Variants in LGR5 observed in about 807,000 individuals in gnomAD.
LGR5 encodes the protein leucine rich repeat containing G protein-coupled receptor 5, also known as leucine-rich repeat-containing G protein-coupled receptor 5.
A neutral mutation model predicts 76.7 loss-of-function variants in LGR5; 54 were observed. The observed-to-expected ratio is 0.70, with a 90% confidence interval of 0.57 to 0.88. LGR5 has a LOEUF of 0.88. Ranked by LOEUF, LGR5 falls within the 40% of genes least tolerant of loss-of-function variation. The pLI, the probability that LGR5 is intolerant of heterozygous loss-of-function variation, is 0.00. For synonymous variants in LGR5, 406 were observed against 421.9 expected, an observed-to-expected ratio of 0.96 and a Z score of 0.46; for missense variants, 1,078 against 1,073.3, an observed-to-expected ratio of 1.00 and a Z score of -0.06.
At chr12:71,507,357 A>G (rs1043544504) in intron 2 of LGR5, among the ~76,000 whole-genome samples, 2 of 152,050 alleles carry the variant, frequency 1.3e-5, no homozygotes, top group Admixed American at 6.6e-5. Context: ...ATTTCACAGT[A>G]GTTTGCATAG....
intron 1 of LGR5, among the ~76,000 whole-genome samples, chr12:71,487,853 A>G (rs74101844): frequency 0.023 from 3,476 of 152,332 alleles, 136 homozygotes; most frequent in African/African-American, 0.079. Context: ...ATTGAACCCA[A>G]TTCTGTGAAG....
Position 71,556,706 on chromosome 12 carries a change from A to C in LGR5, c.716+16A>C, listed in dbSNP as rs775495069. 11 of 1,579,064 alleles carry C rather than the reference A, an allele frequency of 7.0e-6. No individual in the cohort carries two copies. The highest frequency in any genetic ancestry group is 8.7e-6 in the Non-Finnish European group (10 of 1,148,444). On this transcript the variant is annotated intron_variant, in intron 6 of 17. Coordinates refer to ENST00000266674, the MANE Select transcript of LGR5 (RefSeq NM_003667.4). Reference sequence around the variant, plus strand: ...TAGAGACTTTGTGAGTTGACCTTTTATTTGTTTCCCTTTTTTCAGTATTTT... The same window carrying C: ...TAGAGACTTTGTGAGTTGACCTTTTCTTTGTTTCCCTTTTTTCAGTATTTT...
chr12:71,504,558 G>A (rs1406936481), intron 1 of LGR5, 56 bp from the exon 2 acceptor site: 2 of 1,341,112 alleles, frequency 1.5e-6, no homozygotes, highest in African/African-American at 2.9e-5. Flanking sequence ...TGAACAGCTG[G>A]ATTTCCTTGT....
intron 4 of LGR5, among the ~76,000 whole-genome samples, chr12:71,551,489 CTTCTT>C (rs990645101): frequency 7.9e-5 from 12 of 152,102 alleles, no homozygotes; most frequent in African/African-American, 2.9e-4. Flanking sequence ...AAATACAACT[CTTCTT>C]TTTTTTAATC....
At chr12:71,543,536 A>G (rs1876991363) in intron 4 of LGR5, among the ~76,000 whole-genome samples, 1 of 152,180 alleles carries the variant, frequency 6.6e-6, no homozygotes. Context: ...AAATGAGGTA[A>G]AAGTTTGGCC....
intron 2 of LGR5, among the ~76,000 whole-genome samples, chr12:71,522,742 A>G (rs1875787525): frequency 6.6e-6 from 1 of 152,156 alleles, no homozygotes; most frequent in Non-Finnish European, 1.5e-5. Flanking sequence ...AAAAGATTAT[A>G]TCTGTCAAGA....
chr12:71,503,766 C>T (rs939714692), intron 1 of LGR5, among the ~76,000 whole-genome samples: 12 of 152,180 alleles, frequency 7.9e-5, no homozygotes, highest in African/African-American at 1.7e-4. Context: ...CAGCTGACTA[C>T]ATAAAATCTG....
At chr12:71,509,108 A>G (rs1008388962) in intron 2 of LGR5, among the ~76,000 whole-genome samples, 1 of 152,114 alleles carries the variant, frequency 6.6e-6, no homozygotes, top group Admixed American at 6.5e-5. Context: ...TGCTGTATAG[A>G]AAGAAAAGCT....
At position 71,584,613 on chromosome 12, in the gene LGR5, T is replaced by G. The variant is rs1879244436; in HGVS notation, c.2603T>G (p.Leu868Trp). ...CAGTCCTGTGACTCAACTCAAGCCT[T>G]GGTAACCTTTACCAGCTCCAGCATC... ...EKQSCDSTQA[L>W]VTFTSSSITY... The change falls in exon 18 of 18, where the codon TTG becomes TGG. Residue 868 changes from leucine (L) to tryptophan (W), a missense_variant. By Grantham distance (61) the Leu-to-Trp change is moderately conservative (BLOSUM62 -2). Coordinates refer to ENST00000266674, the MANE Select transcript of LGR5 (RefSeq NM_003667.4). 7 of 1,614,190 alleles carry G rather than the reference T, an allele frequency of 4.3e-6. 1 individual carries two copies. The East Asian group carries it at 1.6e-4, about 36-fold the overall frequency.
chr12:71,552,567 CAAA>C (rs5799046), intron 4 of LGR5, among the ~76,000 whole-genome samples: 1 of 124,010 alleles, frequency 8.1e-6, no homozygotes. Context: ...GACTTCGTCT[CAAA>C]AAAAAAAAAA....
intron 13 of LGR5, 76 bp downstream of exon 13, chr12:71,572,997 T>C (rs1319856822): frequency 9.2e-7 from 1 of 1,090,472 alleles, no homozygotes; most frequent in Non-Finnish European, 1.4e-6. Context: ...TAATGTTTTC[T>C]TTTCATTGTG....
Position 71,566,695 on chromosome 12 carries a change from G to A in LGR5, c.993G>A (p.Glu331=), listed in dbSNP as rs1878362062. 1 of 1,612,420 alleles carries A rather than the reference G, an allele frequency of 6.2e-7. No individual in the cohort carries two copies. The highest frequency in any genetic ancestry group is 8.5e-7 in the Non-Finnish European group (1 of 1,178,668). Residue 331 remains glutamate (E), a synonymous_variant, in exon 10 of 18, where the codon GAG becomes GAA. Transcript: ENST00000266674. ...ATTTAACTGGAACTGCAAACCTGGA[G>A]AGTCTGTAAGTACTGAGTAGACTCT... ...FPDLTGTANL[E]SLTLTGAQIS... is the part of the protein sequence containing the mutation.
intron 3 of LGR5, among the ~76,000 whole-genome samples, chr12:71,534,758 C>A (rs1302357669): frequency 6.6e-6 from 1 of 152,168 alleles, no homozygotes; most frequent in African/African-American, 2.4e-5. Context: ...GTAACTTTTC[C>A]CAAATATTCA....
chr12:71,464,690 C>G (rs7966654), intron 1 of LGR5, among the ~76,000 whole-genome samples: 14,875 of 152,174 alleles, frequency 0.098, 888 homozygotes, highest in African/African-American at 0.16. Context: ...CAACCGGCTA[C>G]AGGATACATC....
At chr12:71,552,292 C>T (rs948436316) in intron 4 of LGR5, among the ~76,000 whole-genome samples, 1 of 151,992 alleles carries the variant, frequency 6.6e-6, no homozygotes, top group Non-Finnish European at 1.5e-5. Flanking sequence ...CGGCCAGGTG[C>T]GGTGGCTCAC....
chr12:71,548,070 A>G (rs892145483), intron 4 of LGR5, among the ~76,000 whole-genome samples: 2 of 152,226 alleles, frequency 1.3e-5, no homozygotes, highest in African/African-American at 4.8e-5. Flanking sequence ...AAGAGCTTTT[A>G]TCTGAATGAA....
intron 13 of LGR5, among the ~76,000 whole-genome samples, chr12:71,574,043 G>A (rs1377315357): frequency 6.6e-6 from 1 of 151,760 alleles, no homozygotes; most frequent in Admixed American, 6.6e-5. Flanking sequence ...TTTGATGTCT[G>A]GCTGCCCCAA....
intron 1 of LGR5, among the ~76,000 whole-genome samples, chr12:71,451,564 C>A (rs1872250383): frequency 6.6e-6 from 1 of 152,126 alleles, no homozygotes; most frequent in Non-Finnish European, 1.5e-5. Flanking sequence ...CTCTGGGAAG[C>A]TTTCTGTAAC....
rs1432456938 is a variant in LGR5 at position 71,447,698 on chromosome 12, C to G, written c.212+7406C>G. On this transcript the variant is annotated intron_variant, in intron 1 of 17. Transcript: ENST00000266674. ...CACTAATACACACACCAACAAGAAA[C>G]AATTCCCTTTGTGCCACTTGCTTGG... 5.9e-5 allele frequency among the ~76,000 whole-genome samples: 9 copies of G among 152,248 alleles called. No homozygotes were observed. The South Asian group carries it at 1.9e-3, about 32-fold the overall frequency.
Sources: allele counts gnomAD v4.1 joint callset (sites outside exome capture counted in the v4.1 genomes callset), GRCh38; gene constraint gnomAD v4.1.1; transcripts MANE v1.5; gene names NCBI Gene and HGNC (gene_info 2026-07-23, HGNC 2026-07-21).